The following KAZN variants were observed in gnomAD, a reference collection of about 807,000 sequenced individuals.
KAZN encodes the protein kazrin, periplakin interacting protein, also known as kazrin.
KAZN carries 40 observed loss-of-function variants against 87.4 expected under a neutral mutation model. That is an observed-to-expected ratio of 0.46 (90% confidence interval 0.36 to 0.60). KAZN has a LOEUF of 0.60. KAZN is among the 20% of genes least tolerant of loss of function. The pLI is 0.00. For synonymous variants in KAZN, 466 were observed against 458.3 expected (o/e 1.02, Z -0.22); for missense variants, 898 against 1,073.9 (o/e 0.84, Z 2.29).
intron 1 of KAZN, among the ~76,000 whole-genome samples, chr1:14,017,272 T>G (rs1036395255): frequency 6.6e-6 from 1 of 152,198 alleles, no homozygotes; most frequent in African/African-American, 2.4e-5. Context: ...CACTCTCAGT[T>G]ATTTGCAAAA....
At chr1:14,038,501 T>G (rs925713616) in intron 1 of KAZN, among the ~76,000 whole-genome samples, 4 of 152,066 alleles carry the variant, frequency 2.6e-5, no homozygotes, top group African/African-American at 9.7e-5. Context: ...CAAAAGGAAA[T>G]GAGGTCTGAG....
In KAZN at chr1:14,335,760, C is replaced by CAGAG. The variant is rs34561318; in HGVS notation, c.249+155187_249+155190dup. On this transcript the variant is annotated intron_variant, in intron 2 of 16. Transcript: ENST00000636203. ...GTGCATGTGCGCGCACACACACACACAGAGAGAGAGAGAGAGAGAGAGGCA... is the reference window on the plus strand; with the variant it reads ...GTGCATGTGCGCGCACACACACACACAGAGAGAGAGAGAGAGAGAGAGAGAGGCA... 8.8e-3 allele frequency among the ~76,000 whole-genome samples: 1,308 copies of CAGAG among 149,358 alleles called. 8 individuals carry two copies. The highest frequency in any genetic ancestry group is 0.012 in the African/African-American group (487 of 40,828).
intron 1 of KAZN, among the ~76,000 whole-genome samples, chr1:13,973,862 C>T (rs2101055834): frequency 6.6e-6 from 1 of 152,330 alleles, no homozygotes; most frequent in South Asian, 2.1e-4. Flanking sequence ...TCCCTTGTGC[C>T]TCATTAAGTA....
chr1:14,320,951 A>G (rs1420725974), intron 2 of KAZN, among the ~76,000 whole-genome samples: 2 of 152,214 alleles, frequency 1.3e-5, no homozygotes, highest in Admixed American at 6.5e-5. Context: ...CTAGTTTTTT[A>G]GTTAACAAGA....
intron 1 of KAZN, among the ~76,000 whole-genome samples, chr1:14,827,511 G>A (rs1392978382): frequency 6.6e-6 from 1 of 152,102 alleles, no homozygotes; most frequent in Non-Finnish European, 1.5e-5. Context: ...TGCGACGTTT[G>A]CTTTTCCATT....
At chr1:14,132,910 G>A (rs890360987) in intron 1 of KAZN, among the ~76,000 whole-genome samples, 1 of 151,976 alleles carries the variant, frequency 6.6e-6, no homozygotes, top group Non-Finnish European at 1.5e-5. Context: ...CCATCGTTAT[G>A]GTCCTCTATG....
At chr1:14,613,010 G>T (rs1677942704) in intron 1 of KAZN, among the ~76,000 whole-genome samples, 1 of 152,144 alleles carries the variant, frequency 6.6e-6, no homozygotes, top group African/African-American at 2.4e-5. Flanking sequence ...AGACAAGATT[G>T]GGTATTTTTT....
chr1:14,775,630 G>A (rs896356223), intron 1 of KAZN, among the ~76,000 whole-genome samples: 5 of 152,188 alleles, frequency 3.3e-5, no homozygotes, highest in African/African-American at 7.2e-5. Flanking sequence ...TAAAACATGC[G>A]CCATGCTGCT....
chr1:14,232,189 C>T (rs1647923251), intron 2 of KAZN, among the ~76,000 whole-genome samples: 2 of 152,152 alleles, frequency 1.3e-5, no homozygotes, highest in African/African-American at 4.8e-5. Flanking sequence ...TGCTATCACA[C>T]CAGGTGACTC....
At chr1:14,365,047 CTCTT>C (rs1310835083) in intron 2 of KAZN, among the ~76,000 whole-genome samples, 6 of 150,764 alleles carry the variant, frequency 4.0e-5, no homozygotes, top group Admixed American at 2.6e-4. Flanking sequence ...CCGGCCCCCT[CTCTT>C]TTTTTTTTTT....
intron 1 of KAZN, among the ~76,000 whole-genome samples, chr1:14,683,397 T>A (rs772955040): frequency 2.0e-5 from 3 of 152,158 alleles, no homozygotes; most frequent in Non-Finnish European, 4.4e-5. Context: ...ATTCCACCCA[T>A]TCTCCTCCGG....
At chr1:14,314,532 G>T (rs1426616233) in intron 2 of KAZN, among the ~76,000 whole-genome samples, 13 of 152,092 alleles carry the variant, frequency 8.5e-5, no homozygotes, top group Non-Finnish European at 1.8e-4. Context: ...TTTGGCACGG[G>T]ATGGGCCTTT....
At chr1:14,034,076 C>A (rs1641439329) in intron 1 of KAZN, among the ~76,000 whole-genome samples, 1 of 152,162 alleles carries the variant, frequency 6.6e-6, no homozygotes, top group African/African-American at 2.4e-5. Context: ...TGAGTTATTA[C>A]CTATACTAAG....
intron 1 of KAZN, among the ~76,000 whole-genome samples, chr1:13,945,005 G>C (rs547173590): frequency 5.9e-5 from 9 of 152,090 alleles, no homozygotes; most frequent in African/African-American, 1.9e-4. Flanking sequence ...AGGAGAGAAA[G>C]AGATATCATT....
At chr1:13,947,352 A>G (rs1335888880) in intron 1 of KAZN, among the ~76,000 whole-genome samples, 5 of 152,006 alleles carry the variant, frequency 3.3e-5, no homozygotes, top group African/African-American at 1.2e-4. Context: ...TCGTGAGTGG[A>G]CTCAAGATGC....
chr1:14,222,489 G>T (rs998798419), intron 2 of KAZN, among the ~76,000 whole-genome samples: 3 of 152,166 alleles, frequency 2.0e-5, no homozygotes, highest in Non-Finnish European at 2.9e-5. Context: ...TTGTTCTGTG[G>T]TTGGAGAAGA....
chr1:14,186,783 G>A (rs1646316371), intron 2 of KAZN, among the ~76,000 whole-genome samples: 1 of 152,126 alleles, frequency 6.6e-6, no homozygotes. Context: ...CCTGCTGCAT[G>A]CGTGGACTTC....
chr1:14,238,769 A>G (rs551601771), intron 2 of KAZN, among the ~76,000 whole-genome samples: 80 of 152,318 alleles, frequency 5.3e-4, no homozygotes, highest in African/African-American at 1.9e-3. Context: ...GGACTTTTCC[A>G]ATTTCAGTAG....
At chr1:15,043,426 G>C (rs536060935) in intron 3 of KAZN, among the ~76,000 whole-genome samples, 1 of 152,282 alleles carries the variant, frequency 6.6e-6, no homozygotes, top group East Asian at 1.9e-4. Flanking sequence ...GGGGAACCCA[G>C]ACTCGATGAG....
Sources: gnomAD v4.1 joint callset for allele counts (sites outside exome capture counted in the v4.1 genomes callset) on GRCh38, gnomAD v4.1.1 for gene constraint, MANE v1.5 for transcripts, NCBI Gene and HGNC (gene_info 2026-07-23, HGNC 2026-07-21) for gene names.